Variants in SLC25A48 observed in about 807,000 individuals in gnomAD.
SLC25A48 encodes the protein CTC-321K16.1.
SLC25A48 carries 29 observed loss-of-function variants against 32.2 expected under a neutral mutation model. The ratio of observed to expected loss-of-function variants is 0.90; its 90% CI spans 0.67 to 1.23. The LOEUF is 1.23. SLC25A48 is among the 50% of genes most tolerant of loss of function. SLC25A48 has a pLI of 0.00. For missense variants in SLC25A48, 399 were observed against 422.7 expected, an observed-to-expected ratio of 0.94 and a Z score of 0.49; for synonymous variants, 164 against 172.3, an observed-to-expected ratio of 0.95 and a Z score of 0.38.
intron 3 of SLC25A48, among the ~76,000 whole-genome samples, chr5:135,690,207 A>C (rs2126957420): frequency 6.6e-6 from 1 of 152,342 alleles, no homozygotes; most frequent in Non-Finnish European, 1.5e-5. Flanking sequence ...GGAGATAACA[A>C]CAAATTCTTC....
In SLC25A48 at chr5:135,773,386, G is replaced by A. The variant is rs145459286; in HGVS notation, c.-520-39137G>A. Among the ~76,000 whole-genome samples the A allele has an allele frequency of 5.2e-3, 777 of 150,296 alleles. 4 individuals are homozygous for A. The highest frequency in any genetic ancestry group is 0.018 in the African/African-American group (746 of 40,870). On this transcript the variant is annotated intron_variant, in intron 3 of 10. Transcript: ENST00000646290. ...TATCATAGCGGGGTGTACACCCCCTGTGACAATATCATAAAATCCAGGGGG... is the reference window on the plus strand; with the variant it reads ...TATCATAGCGGGGTGTACACCCCCTATGACAATATCATAAAATCCAGGGGG...
At chr5:135,694,018 G>A (rs1754209345) in intron 3 of SLC25A48, among the ~76,000 whole-genome samples, 1 of 152,184 alleles carries the variant, frequency 6.6e-6, no homozygotes, top group Non-Finnish European at 1.5e-5. Context: ...AGGCTGCGAT[G>A]AGGGTGTGCC....
In SLC25A48 at chr5:135,888,322, G is replaced by A; in HGVS notation, c.*298G>A. On this transcript the variant is annotated 3_prime_UTR_variant, in exon 8 of 8. Transcript: ENST00000681962. The stretch of plus-strand genomic sequence containing the variant: ...GAGAAGTCCTGACCATGAGCACCAG[G>A]GAGCCAGAAACCACCCAGAGAAACG... The A allele has an allele frequency of 6.9e-6, 3 of 434,410 alleles. 1 individual carries two copies. Among genetic ancestry groups the A allele is most frequent in the East Asian group, 3.3e-5 (1 of 30,612 alleles). The allele number at this position is 434,410 out of a possible 1,614,324, so 26.9% of individuals were successfully genotyped here. A position where few individuals can be genotyped will look rare whatever the true frequency, so the allele number is the denominator to read the frequency against.
At chr5:135,882,608 G>A (rs1259263732) in intron 7 of SLC25A48, among the ~76,000 whole-genome samples, 1 of 152,172 alleles carries the variant, frequency 6.6e-6, no homozygotes, top group Non-Finnish European at 1.5e-5. Flanking sequence ...ACCAGGCATG[G>A]AGATATCCCC....
At chr5:135,885,337 G>A (rs1762676837) in intron 7 of SLC25A48, among the ~76,000 whole-genome samples, 1 of 152,226 alleles carries the variant, frequency 6.6e-6, no homozygotes, top group East Asian at 1.9e-4. Context: ...AAGCCTGCTG[G>A]GCCAGCTGCT....
chr5:135,645,351 T>C (rs917352645), intron 3 of SLC25A48, among the ~76,000 whole-genome samples: 1 of 152,216 alleles, frequency 6.6e-6, no homozygotes, highest in African/African-American at 2.4e-5. Flanking sequence ...ACATAATTAT[T>C]CACTGAGCAT....
At chr5:135,756,851 G>A (rs1755922266) in intron 3 of SLC25A48, among the ~76,000 whole-genome samples, 2 of 150,866 alleles carry the variant, frequency 1.3e-5, no homozygotes, top group South Asian at 4.2e-4. Context: ...TTAACACAGT[G>A]TTAGCACACT....
chr5:135,856,925 A>C (rs968166091), intron 4 of SLC25A48, among the ~76,000 whole-genome samples: 3 of 152,204 alleles, frequency 2.0e-5, no homozygotes, highest in Non-Finnish European at 4.4e-5. Flanking sequence ...ATACGTCTTA[A>C]AACTGTTTGG....
In SLC25A48 at chr5:135,770,666, G is replaced by T. The variant is rs140387048; in HGVS notation, c.-520-41857G>T. 9.5e-3 allele frequency among the ~76,000 whole-genome samples: 1,433 copies of T among 151,160 alleles called. 73 individuals are homozygous for T. The highest frequency in any genetic ancestry group is 0.072 in the Admixed American group (1,090 of 15,128). On this transcript the variant is annotated intron_variant, in intron 3 of 10. Coordinates refer to the SLC25A48 transcript ENST00000646290. Reference sequence around the variant, plus strand: ...TCCCAGAAAGTGTACACCCCCTCGCGATATTGTTTCTAATATCCAGAAAAT... The same window carrying T: ...TCCCAGAAAGTGTACACCCCCTCGCTATATTGTTTCTAATATCCAGAAAAT...
intron 2 of SLC25A48, among the ~76,000 whole-genome samples, chr5:135,632,836 C>G (rs986999438): frequency 6.6e-6 from 1 of 152,108 alleles, no homozygotes; most frequent in African/African-American, 2.4e-5. Flanking sequence ...GATTGGAGGG[C>G]GAGGAGAGGC....
chr5:135,757,594 T>G (rs1236055508), intron 3 of SLC25A48, among the ~76,000 whole-genome samples: 1 of 149,556 alleles, frequency 6.7e-6, no homozygotes, highest in East Asian at 2.1e-4. Context: ...ACTATATTAA[T>G]AAAATATCTT....
intron 3 of SLC25A48, among the ~76,000 whole-genome samples, chr5:135,752,328 T>C (rs545093120): frequency 1.3e-5 from 2 of 152,324 alleles, no homozygotes; most frequent in African/African-American, 4.8e-5. Context: ...CCCAGCACTT[T>C]GGGAGGCCAA....
At chr5:135,719,436 C>A (rs974769262) in intron 3 of SLC25A48, among the ~76,000 whole-genome samples, 5 of 152,072 alleles carry the variant, frequency 3.3e-5, no homozygotes, top group Non-Finnish European at 1.5e-5. Context: ...TGGGGAGAAG[C>A]ACAAAGAGTG....
At chr5:135,791,515 T>G (rs897484967) in intron 3 of SLC25A48, among the ~76,000 whole-genome samples, 1 of 151,636 alleles carries the variant, frequency 6.6e-6, no homozygotes, top group Non-Finnish European at 1.5e-5. Context: ...TTACAGGGGG[T>G]GTACACCCAG....
At chr5:135,851,696 C>A (rs1182967814) in intron 3 of SLC25A48, among the ~76,000 whole-genome samples, 1 of 152,180 alleles carries the variant, frequency 6.6e-6, no homozygotes, top group Non-Finnish European at 1.5e-5. Flanking sequence ...TTGTGCACAG[C>A]CTGGAGTCTG....
At position 135,785,486 on chromosome 5, in the gene SLC25A48, AG is replaced by A. The variant is rs1448734044; in HGVS notation, c.-520-27032del. Among the ~76,000 whole-genome samples the A allele has an allele frequency of 2.3e-3, 317 of 139,204 alleles. 3 individuals are homozygous for A. The highest frequency in any genetic ancestry group is 0.02 in the Admixed American group (285 of 14,342). 91.3% of individuals were successfully genotyped at this position (139,204 alleles called of 152,430 possible). ...CCATGGATGGTAATATCCAGGCGGG[AG>A]GGGGTGATATTACTCACCATGGGGC... is the stretch of plus-strand genomic sequence containing the variant. On this transcript the variant is annotated intron_variant, in intron 3 of 10. Coordinates refer to the SLC25A48 transcript ENST00000646290.
At chr5:135,715,064 A>AGAGGCAG (rs1311117390) in intron 3 of SLC25A48, among the ~76,000 whole-genome samples, 3 of 152,176 alleles carry the variant, frequency 2.0e-5, no homozygotes, top group Non-Finnish European at 4.4e-5. Context: ...GCCGCATTGG[A>AGAGGCAG]GAGGCAGGAG....
At chr5:135,737,547 T>C (rs908858020) in intron 3 of SLC25A48, among the ~76,000 whole-genome samples, 1 of 152,172 alleles carries the variant, frequency 6.6e-6, no homozygotes, top group Non-Finnish European at 1.5e-5. Context: ...CCTTTGATCC[T>C]GAAGATGAAT....
At chr5:135,673,170 A>T (rs1304168015) in intron 3 of SLC25A48, among the ~76,000 whole-genome samples, 2 of 152,222 alleles carry the variant, frequency 1.3e-5, no homozygotes, top group Non-Finnish European at 2.9e-5. Flanking sequence ...GGCTATGACA[A>T]ATAAAGCTGT....
Sources: gnomAD v4.1 joint callset for allele counts (sites outside exome capture counted in the v4.1 genomes callset) on GRCh38, gnomAD v4.1.1 for gene constraint, MANE v1.5 for transcripts, NCBI Gene and HGNC (gene_info 2026-07-23, HGNC 2026-07-21) for gene names.